The following EIF4G3 variants were observed in gnomAD, a reference collection of about 807,000 sequenced individuals.
EIF4G3 encodes eIF-4-gamma 3.
Under a neutral mutation model 186.4 loss-of-function variants are expected in EIF4G3, and 34 were observed. The ratio of observed to expected loss-of-function variants is 0.18; its 90% CI spans 0.14 to 0.24. The LOEUF (loss-of-function observed/expected upper bound fraction) is 0.24, where lower values mean the gene tolerates loss of function less well. Among genes scored for constraint, EIF4G3 ranks in the 10% least tolerant of loss-of-function variants. EIF4G3 has a pLI of 1.00. For synonymous variants in EIF4G3, 673 were observed against 679.5 expected (o/e 0.99, Z 0.15); for missense variants, 1,536 against 1,948.5 (o/e 0.79, Z 3.99).
chr1:20,888,016 T>C (rs561284424), intron 18 of EIF4G3, among the ~76,000 whole-genome samples: 4 of 152,310 alleles, frequency 2.6e-5, no homozygotes, highest in Admixed American at 1.3e-4. Flanking sequence ...CAAGAACAAA[T>C]GTTTCTGGAT....
chr1:21,169,679 G>A lies in EIF4G3; in HGVS notation c.-272+6496C>T, dbSNP rs77953298. The A allele has an allele frequency of 2.7e-4, 41 of 152,170 alleles. 1 individual carries two copies. Among genetic ancestry groups the A allele is most frequent in the Non-Finnish European group, 5.9e-5 (4 of 68,024 alleles). 9.4% of individuals were successfully genotyped at this position (152,170 alleles called of 1,614,324 possible). On this transcript the variant is annotated intron_variant, in intron 2 of 36. Transcript: ENST00000602326. ...CAATATGTACTTCAAATACAACTCA[G>A]GCACTTCAGATGGCTTTGTAAACTG...
At chr1:20,906,197 A>C (rs1044858324) in intron 14 of EIF4G3, among the ~76,000 whole-genome samples, 2 of 152,128 alleles carry the variant, frequency 1.3e-5, no homozygotes, top group African/African-American at 4.8e-5. Context: ...ACTCAAGGTA[A>C]ATTTTTTCAA....
chr1:21,117,751 A>AAAAAAAAAAAAAAAAAAAAAAT (rs2096852926), intron 2 of EIF4G3, among the ~76,000 whole-genome samples: 1 of 149,622 alleles, frequency 6.7e-6, no homozygotes, highest in Non-Finnish European at 1.5e-5. Context: ...AAAAAAAAAA[A>AAAAAAAAAAAAAAAAAAAAAAT]AAAAAAAAAA....
At chr1:20,960,588 C>T (rs1176282665) in intron 12 of EIF4G3, among the ~76,000 whole-genome samples, 1 of 151,576 alleles carries the variant, frequency 6.6e-6, no homozygotes, top group Non-Finnish European at 1.5e-5. Flanking sequence ...CTCATCTTTA[C>T]TGAAAATAAA....
intron 12 of EIF4G3, among the ~76,000 whole-genome samples, chr1:20,959,425 T>C (rs2154564428): frequency 6.6e-6 from 1 of 152,068 alleles, no homozygotes; most frequent in East Asian, 1.9e-4. Flanking sequence ...CCTGAAACTG[T>C]AAAAATTCTA....
intron 14 of EIF4G3, among the ~76,000 whole-genome samples, chr1:20,923,213 C>G (rs947353564): frequency 6.6e-6 from 1 of 152,030 alleles, no homozygotes; most frequent in African/African-American, 2.4e-5. Flanking sequence ...ACAGGATGTG[C>G]AGTTTGTTGC....
At chr1:20,909,066 C>A (rs181898567) in intron 14 of EIF4G3, among the ~76,000 whole-genome samples, 1 of 151,850 alleles carries the variant, frequency 6.6e-6, no homozygotes, top group Non-Finnish European at 1.5e-5. Context: ...GCAGGAGAAT[C>A]GCTTGAACCT....
chr1:21,137,391 C>T (rs1175420444), intron 2 of EIF4G3, among the ~76,000 whole-genome samples: 2 of 152,108 alleles, frequency 1.3e-5, no homozygotes, highest in Non-Finnish European at 2.9e-5. Context: ...GCGATCCCGC[C>T]TCAGCCTCCA....
intron 14 of EIF4G3, among the ~76,000 whole-genome samples, chr1:20,924,464 G>A (rs74061343): frequency 1.5e-4 from 23 of 152,102 alleles, no homozygotes; most frequent in African/African-American, 5.3e-4. Context: ...CAAATCTTGA[G>A]GAATATTAGA....
At chr1:21,052,101 A>C (rs928423396) in intron 3 of EIF4G3, among the ~76,000 whole-genome samples, 1 of 152,212 alleles carries the variant, frequency 6.6e-6, no homozygotes, top group Admixed American at 6.5e-5. Flanking sequence ...TACAATAATC[A>C]CAAATTTATA....
rs2098121372 is a variant in EIF4G3 at position 21,176,881 on chromosome 1, A to T, written c.-615T>A. 1.4e-6 allele frequency: 1 copy of T among 694,528 alleles called. No homozygotes were observed. The highest frequency in any genetic ancestry group is 2.6e-6 in the Non-Finnish European group (1 of 380,402). 43.0% of individuals were successfully genotyped at this position (694,528 alleles called of 1,614,324 possible). ...ACATGGCGCTGTGGCCGCCTCCAGCAGTCCGGCAGGACGGCTGCTCGGAAA... is the reference window on the plus strand; with the variant it reads ...ACATGGCGCTGTGGCCGCCTCCAGCTGTCCGGCAGGACGGCTGCTCGGAAA... On this transcript the variant is annotated 5_prime_UTR_variant, in exon 1 of 37. Coordinates refer to ENST00000602326, the MANE Select transcript of EIF4G3 (RefSeq NM_001391906.1).
At chr1:20,971,926 C>T (rs1321820584) in intron 11 of EIF4G3, among the ~76,000 whole-genome samples, 1 of 152,186 alleles carries the variant, frequency 6.6e-6, no homozygotes, top group Non-Finnish European at 1.5e-5. Context: ...AGCCACTGTA[C>T]CCGGCCTGAA....
At chr1:21,078,743 G>A (rs1341204741) in intron 3 of EIF4G3, among the ~76,000 whole-genome samples, 1 of 152,188 alleles carries the variant, frequency 6.6e-6, no homozygotes, top group Non-Finnish European at 1.5e-5. Flanking sequence ...CCAACACTTT[G>A]GGAGGCCAAA....
chr1:20,941,597 A>T lies in EIF4G3; in HGVS notation c.1557T>A (p.Ser519Arg), dbSNP rs2095715303. The T allele has an allele frequency of 1.2e-6, 2 of 1,614,030 alleles. No homozygotes were observed. The highest frequency in any genetic ancestry group is 1.1e-5 in the South Asian group (1 of 91,086). ...EEDESIRTCL[S>R]EDAKEIQNKI... ...TGTTCTGAATCTCTTTTGCATCTTCACTAAGGCAAGTTCTTATGCTCTCGT... is the reference window on the plus strand; with the variant it reads ...TGTTCTGAATCTCTTTTGCATCTTCTCTAAGGCAAGTTCTTATGCTCTCGT... The change falls in exon 14 of 37, where the codon AGT becomes AGA. Residue 519 changes from serine (S) to arginine (R), a missense_variant. Physicochemically the swap from Ser to Arg is moderately radical, Grantham distance 110. This residue lies in a region of EIF4G3 where 560 missense variants were observed against 547.8 expected (regional missense o/e 1.02). Transcript: ENST00000602326.
chr1:21,161,023 T>A (rs1445698730), intron 2 of EIF4G3, among the ~76,000 whole-genome samples: 3 of 151,010 alleles, frequency 2.0e-5, no homozygotes. Flanking sequence ...ATACAAAAAT[T>A]AGCCAGAAGC....
At chr1:21,020,579 C>G (rs1047339802) in intron 4 of EIF4G3, among the ~76,000 whole-genome samples, 4 of 152,098 alleles carry the variant, frequency 2.6e-5, no homozygotes, top group Admixed American at 6.5e-5. Flanking sequence ...GTATAGCCAG[C>G]GCGATTACTG....
intron 4 of EIF4G3, among the ~76,000 whole-genome samples, chr1:21,030,087 T>G (rs1280271533): frequency 6.6e-6 from 1 of 152,094 alleles, no homozygotes; most frequent in Non-Finnish European, 1.5e-5. Flanking sequence ...AGGCCCAGGA[T>G]GGCCTCAAAC....
intron 22 of EIF4G3, among the ~76,000 whole-genome samples, 174 bp downstream of exon 22, chr1:20,864,302 C>T (rs1055646850): frequency 1.3e-5 from 2 of 152,154 alleles, no homozygotes; most frequent in Admixed American, 6.5e-5. Context: ...ATCTCTGACT[C>T]TGATGGAAAT....
At chr1:20,930,736 A>C (rs2095267641) in intron 14 of EIF4G3, among the ~76,000 whole-genome samples, 1 of 152,170 alleles carries the variant, frequency 6.6e-6, no homozygotes, top group Non-Finnish European at 1.5e-5. Context: ...TGCTATTTCC[A>C]TCACATCTGC....
Sources: gnomAD v4.1 joint callset for allele counts (sites outside exome capture counted in the v4.1 genomes callset) on GRCh38, gnomAD v4.1.1 for gene constraint, gnomAD v4.1.1 regional missense constraint, MANE v1.5 for transcripts, NCBI Gene and HGNC (gene_info 2026-07-23, HGNC 2026-07-21) for gene names.